The following VIT variants were observed in gnomAD, a reference collection of about 807,000 sequenced individuals.
VIT encodes vitrin.
A neutral mutation model predicts 78.0 loss-of-function variants in VIT; 99 were observed. The ratio of observed to expected loss-of-function variants is 1.27; its 90% CI spans 1.08 to 1.50. VIT has a LOEUF of 1.50. Among genes scored for constraint, VIT ranks in the 40% most tolerant of loss-of-function variants. VIT has a pLI of 0.00. For synonymous variants in VIT, 374 were observed against 334.3 expected (o/e 1.12, Z -1.29); for missense variants, 1,126 against 875.3 (o/e 1.29, Z -3.61).
intron 6 of VIT, among the ~76,000 whole-genome samples, chr2:36,761,836 T>C (rs928851336): frequency 6.6e-6 from 1 of 152,200 alleles, no homozygotes; most frequent in African/African-American, 2.4e-5. Flanking sequence ...CTTCTGTGAC[T>C]GTAGTCGTCT....
At position 36,756,262 on chromosome 2, in the gene VIT, A is replaced by C. The variant is rs376637981; in HGVS notation, c.409+1208A>C. On this transcript the variant is annotated intron_variant, in intron 5 of 15. Transcript: ENST00000379242. ...CATGAGCCACCACGCCCAGCCTAAC[A>C]GTGTTCTATACTCACCTTATACGTA... 1.7e-4 allele frequency among the ~76,000 whole-genome samples: 26 copies of C among 152,086 alleles called. No homozygotes were observed. In the East Asian group the frequency reaches 3.9e-3, roughly 23 times the overall value.
intron 1 of VIT, among the ~76,000 whole-genome samples, chr2:36,702,819 C>T (rs773051626): frequency 2.0e-5 from 3 of 152,268 alleles, no homozygotes; most frequent in South Asian, 2.1e-4. Flanking sequence ...TCCCCTACTG[C>T]GTTGGGGATT....
intron 7 of VIT, among the ~76,000 whole-genome samples, chr2:36,770,836 T>G (rs889373019): frequency 3.3e-5 from 5 of 152,200 alleles, no homozygotes; most frequent in African/African-American, 1.2e-4. Context: ...TCAGCTGAGC[T>G]AGCATTGAAC....
At chr2:36,805,693 C>T (rs768204163) in intron 14 of VIT, 29 bp downstream of exon 14, 11 of 1,594,792 alleles carry the variant, frequency 6.9e-6, no homozygotes, top group South Asian at 1.1e-5. Context: ...ACCTACCCAA[C>T]ATCAGGATTT....
At chr2:36,711,498 C>T (rs1157802400) in intron 1 of VIT, among the ~76,000 whole-genome samples, 1 of 152,148 alleles carries the variant, frequency 6.6e-6, no homozygotes, top group Non-Finnish European at 1.5e-5. Context: ...GGTATGTGAC[C>T]TTGAATAAGT....
chr2:36,803,468 T>A (rs971951231), intron 13 of VIT, among the ~76,000 whole-genome samples: 1 of 152,118 alleles, frequency 6.6e-6, no homozygotes, highest in African/African-American at 2.4e-5. Context: ...TTAGGTGGGG[T>A]TGAGGGGATC....
At chr2:36,737,142 A>G (rs1667554868) in intron 3 of VIT, among the ~76,000 whole-genome samples, 1 of 152,206 alleles carries the variant, frequency 6.6e-6, no homozygotes, top group Non-Finnish European at 1.5e-5. Flanking sequence ...ATGAAAGAAC[A>G]TTCAAGATAA....
chr2:36,759,464 T>A (rs754893799), intron 6 of VIT: 1 of 1,209,832 alleles, frequency 8.3e-7, no homozygotes, highest in Non-Finnish European at 1.0e-6. Context: ...AGCAAGCTGC[T>A]CATCCAAATA....
At chr2:36,745,454 T>C (rs753617866) in intron 4 of VIT, among the ~76,000 whole-genome samples, 1 of 152,202 alleles carries the variant, frequency 6.6e-6, no homozygotes, top group Non-Finnish European at 1.5e-5. Context: ...GCATGGAATA[T>C]TTTTCCATTT....
chr2:36,803,952 C>G (rs1237163310), intron 13 of VIT, among the ~76,000 whole-genome samples: 1 of 152,164 alleles, frequency 6.6e-6, no homozygotes, highest in Non-Finnish European at 1.5e-5. Context: ...TCTGCCTACT[C>G]TATACAGCCA....
At chr2:36,706,449 A>T (rs1665425441) in intron 1 of VIT, among the ~76,000 whole-genome samples, 2 of 152,196 alleles carry the variant, frequency 1.3e-5, no homozygotes, top group African/African-American at 4.8e-5. Context: ...GACCTTCTTC[A>T]GACTGGAAAT....
At chr2:36,783,878 G>A (rs1045993284) in intron 11 of VIT, among the ~76,000 whole-genome samples, 1 of 152,172 alleles carries the variant, frequency 6.6e-6, no homozygotes, top group Non-Finnish European at 1.5e-5. Context: ...CTACAATGAG[G>A]AACACTGGGG....
chr2:36,770,711 C>T (rs1418358093), intron 7 of VIT, among the ~76,000 whole-genome samples: 1 of 152,184 alleles, frequency 6.6e-6, no homozygotes, highest in African/African-American at 2.4e-5. Flanking sequence ...GACAGAAAAT[C>T]CCTCCAGGTT....
intron 1 of VIT, among the ~76,000 whole-genome samples, chr2:36,699,160 C>T (rs911292240): frequency 6.6e-6 from 1 of 152,126 alleles, no homozygotes; most frequent in Non-Finnish European, 1.5e-5. Context: ...CAAGACAGAA[C>T]ACAATGGGCC....
At chr2:36,794,505 C>T (rs1304850874) in intron 12 of VIT, among the ~76,000 whole-genome samples, 1 of 152,120 alleles carries the variant, frequency 6.6e-6, no homozygotes, top group African/African-American at 2.4e-5. Flanking sequence ...GACACATATA[C>T]GCTGGTCCTG....
intron 5 of VIT, among the ~76,000 whole-genome samples, chr2:36,757,996 C>G (rs1668870348): frequency 6.6e-6 from 1 of 152,090 alleles, no homozygotes; most frequent in African/African-American, 2.4e-5. Context: ...AAGATAGTGC[C>G]CTAGATCCTC....
At chr2:36,697,820 A>C (rs12618264) in intron 1 of VIT, among the ~76,000 whole-genome samples, 143,001 of 152,252 alleles carry the variant, frequency 0.94, 67,900 homozygotes, top group Middle Eastern at 1. Flanking sequence ...AAAAATAAAA[A>C]CAAGCATTCT....
intron 1 of VIT, among the ~76,000 whole-genome samples, chr2:36,714,595 A>G (rs976246919): frequency 6.6e-6 from 1 of 152,170 alleles, no homozygotes; most frequent in Non-Finnish European, 1.5e-5. Context: ...TTTTACTACC[A>G]TTGACATTGT....
intron 4 of VIT, among the ~76,000 whole-genome samples, chr2:36,751,378 A>C (rs185937202): frequency 6.6e-6 from 1 of 152,364 alleles, no homozygotes; most frequent in Non-Finnish European, 1.5e-5. Context: ...CCTGGGTAAC[A>C]GAGTGAGACC....
Sources: allele counts gnomAD v4.1 joint callset (sites outside exome capture counted in the v4.1 genomes callset), GRCh38; gene constraint gnomAD v4.1.1; transcripts MANE v1.5; gene names NCBI Gene and HGNC (gene_info 2026-07-23, HGNC 2026-07-21).